CUL2: variants seen among roughly 807,000 people sequenced by gnomAD.
The protein encoded by CUL2 is cullin-2.
CUL2 carries 22 observed loss-of-function variants against 110.2 expected under a neutral mutation model. The observed-to-expected ratio is 0.20, with a 90% confidence interval of 0.14 to 0.28. The LOEUF (loss-of-function observed/expected upper bound fraction) is 0.28. CUL2 is among the 10% of genes least tolerant of loss of function. The probability of loss-of-function intolerance (pLI) is 1.00; values close to 1 mark genes in which losing one functional copy is unlikely to be tolerated. For missense variants in CUL2, 631 were observed against 905.5 expected (o/e 0.70, Z 3.89); for synonymous variants, 279 against 293.2 (o/e 0.95, Z 0.49).
At chr10:35,068,506 C>A (rs2086594426) in intron 2 of CUL2, among the ~76,000 whole-genome samples, 1 of 152,100 alleles carries the variant, frequency 6.6e-6, no homozygotes, top group Non-Finnish European at 1.5e-5. Flanking sequence ...GGATTGTGAA[C>A]TTAGAGGGTC....
intron 1 of CUL2, among the ~76,000 whole-genome samples, chr10:35,085,714 A>C (rs1426555477): frequency 2.0e-5 from 3 of 151,840 alleles, no homozygotes; most frequent in South Asian, 4.1e-4. Flanking sequence ...AAAAAAAAAA[A>C]AAAACTGATA....
At chr10:35,061,171 T>A (rs755236453) in intron 3 of CUL2, among the ~76,000 whole-genome samples, 1 of 151,900 alleles carries the variant, frequency 6.6e-6, no homozygotes, top group Non-Finnish European at 1.5e-5. Context: ...AAGTGAAGCA[T>A]CCATAATAGA....
rs56140666 is a variant in CUL2, at chr10:35,107,881, CAAAAAAAAA to C, written c.-50-6830_-50-6822del. 9.6e-3 allele frequency among the ~76,000 whole-genome samples: 403 copies of C among 42,166 alleles called. 2 individuals are homozygous for C. The Middle Eastern group carries it at 0.1, about 11-fold the overall frequency. The allele number at this position is 42,166 out of a possible 152,430, so 27.7% of individuals were successfully genotyped here. ...TGGGCAACAGAGCGAGACTCCATCT[CAAAAAAAAA>C]AAAAAAAAAAAAAAAAAAAAGTAGA... On this transcript the variant is annotated intron_variant, in intron 1 of 5. Coordinates refer to the CUL2 transcript ENST00000685421.
intron 2 of CUL2, among the ~76,000 whole-genome samples, chr10:35,095,975 G>A (rs189039609): frequency 3.3e-5 from 5 of 152,264 alleles, no homozygotes; most frequent in South Asian, 2.1e-4. Context: ...GAGGCTGGGC[G>A]TGATGGCTTA....
intron 1 of CUL2, among the ~76,000 whole-genome samples, chr10:35,071,615 A>T (rs906283799): frequency 2.0e-5 from 3 of 152,162 alleles, no homozygotes; most frequent in East Asian, 1.9e-4. Flanking sequence ...TCACTGTGTT[A>T]GCCAGGATGG....
chr10:35,083,031 C>T (rs758230553), intron 1 of CUL2, among the ~76,000 whole-genome samples: 34 of 151,798 alleles, frequency 2.2e-4, no homozygotes, highest in Non-Finnish European at 4.4e-4. Flanking sequence ...GTGGCAGGTG[C>T]CTGTAATCCC....
At chr10:35,015,617 C>T (rs1437182681) in intron 18 of CUL2, among the ~76,000 whole-genome samples, 1 of 151,658 alleles carries the variant, frequency 6.6e-6, no homozygotes, top group African/African-American at 2.4e-5. Context: ...TATACTATGA[C>T]AACAAAACAG....
At chr10:35,090,879 G>T (rs755517521), upstream of CUL2, among the ~76,000 whole-genome samples, 2 of 152,198 alleles carry the variant, frequency 1.3e-5, no homozygotes, top group Non-Finnish European at 2.9e-5. Context: ...TCAGACCTAT[G>T]TGAATATCCT....
At chr10:35,017,950 C>T (rs192491552) in intron 17 of CUL2, among the ~76,000 whole-genome samples, 5 of 151,074 alleles carry the variant, frequency 3.3e-5, no homozygotes, top group East Asian at 1.9e-4. Flanking sequence ...TGTGGTTTGA[C>T]GACTAACACA....
intron 1 of CUL2, among the ~76,000 whole-genome samples, chr10:35,079,306 G>A (rs2086892608): frequency 6.6e-6 from 1 of 152,180 alleles, no homozygotes; most frequent in South Asian, 2.1e-4. Flanking sequence ...ATGAAGTGAG[G>A]TGAGTGACAC....
intron 4 of CUL2, among the ~76,000 whole-genome samples, chr10:35,058,870 C>T (rs1032454829): frequency 6.6e-6 from 1 of 152,076 alleles, no homozygotes; most frequent in East Asian, 1.9e-4. Context: ...CTCAATAAAC[C>T]TTGATTGAGA....
chr10:35,103,317 T>TA (rs1187064122), intron 1 of CUL2, among the ~76,000 whole-genome samples: 30 of 109,344 alleles, frequency 2.7e-4, no homozygotes, highest in African/African-American at 8.2e-4. Context: ...AATTTTTTTT[T>TA]TTTTTTTTTT....
chr10:35,028,208 G>T (rs2085381456), intron 16 of CUL2, among the ~76,000 whole-genome samples: 1 of 152,162 alleles, frequency 6.6e-6, no homozygotes, highest in Admixed American at 6.5e-5. Flanking sequence ...AATAGTCTGT[G>T]CTACAATCTC....
intron 1 of CUL2, among the ~76,000 whole-genome samples, chr10:35,086,182 C>T (rs1018178799): frequency 6.8e-6 from 1 of 146,244 alleles, no homozygotes; most frequent in African/African-American, 2.5e-5. Flanking sequence ...CTGAGAGACT[C>T]TGTCTCAAAA....
In CUL2 at chr10:35,126,182, G is replaced by A. The variant is rs549442629; in HGVS notation, c.-51+423C>T. The stretch of plus-strand genomic sequence containing the variant: ...CTGTGTTCCCTAGGCTGGTCTCCTG[G>A]GCTCAAGCGATCCTCCCACCTTGGC... On this transcript the variant is annotated intron_variant, in intron 1 of 5. Transcript: ENST00000685421. 2.6e-5 allele frequency among the ~76,000 whole-genome samples: 4 copies of A among 152,278 alleles called. No homozygotes were observed. The South Asian group carries it at 6.2e-4, about 24-fold the overall frequency.
intron 1 of CUL2, among the ~76,000 whole-genome samples, chr10:35,080,744 C>T (rs1010381915): frequency 3.9e-5 from 6 of 152,064 alleles, no homozygotes; most frequent in Admixed American, 1.3e-4. Context: ...CGTGTGCCAC[C>T]GCACCCAGCC....
intron 18 of CUL2, 132 bp from the exon 19 acceptor site, chr10:35,013,932 T>A (rs1564692975): frequency 3.5e-6 from 2 of 567,926 alleles, no homozygotes; most frequent in Admixed American, 4.1e-5. Context: ...TATTATAGAT[T>A]ACCAAATTTA....
At chr10:35,109,781 C>T (rs2135126418) in intron 1 of CUL2, among the ~76,000 whole-genome samples, 1 of 152,330 alleles carries the variant, frequency 6.6e-6, no homozygotes, top group Middle Eastern at 3.4e-3. Context: ...AGGACTTTAT[C>T]AACTTTGATA....
At chr10:35,107,219 C>T (rs2087471039) in intron 1 of CUL2, among the ~76,000 whole-genome samples, 1 of 151,926 alleles carries the variant, frequency 6.6e-6, no homozygotes, top group African/African-American at 2.4e-5. Context: ...CGTGATCCAC[C>T]CACCTTGGCC....
Sources: gnomAD v4.1 joint callset for allele counts (sites outside exome capture counted in the v4.1 genomes callset) on GRCh38, gnomAD v4.1.1 for gene constraint, MANE v1.5 for transcripts, NCBI Gene and HGNC (gene_info 2026-07-23, HGNC 2026-07-21) for gene names.